Variants in RBFOX1 observed in about 807,000 individuals in gnomAD.
RBFOX1 encodes the protein RNA binding protein fox-1 homolog 1.
RBFOX1 carries 8 observed loss-of-function variants against 57.7 expected under a neutral mutation model. The observed-to-expected ratio is 0.14, with a 90% CI of 0.08 to 0.25. The LOEUF (loss-of-function observed/expected upper bound fraction) is 0.25. Among genes scored for constraint, RBFOX1 ranks in the 10% least tolerant of loss-of-function variants. The pLI is 1.00. For missense variants in RBFOX1, 611 were observed against 548.5 expected, an observed-to-expected ratio of 1.11 and a Z score of -1.14; for synonymous variants, 326 against 222.4, an observed-to-expected ratio of 1.47 and a Z score of -4.15.
At chr16:5,651,454 C>G (rs905468673) in intron 3 of RBFOX1, among the ~76,000 whole-genome samples, 1 of 152,160 alleles carries the variant, frequency 6.6e-6, no homozygotes, top group Non-Finnish European at 1.5e-5. Context: ...TAGACACACA[C>G]AGAATCCTGC....
At chr16:7,675,595 A>T (rs1161043319) in intron 13 of RBFOX1, among the ~76,000 whole-genome samples, 1 of 152,212 alleles carries the variant, frequency 6.6e-6, no homozygotes, top group African/African-American at 2.4e-5. Context: ...AAAGAAATTG[A>T]GACCCGTGTA....
intron 4 of RBFOX1, among the ~76,000 whole-genome samples, chr16:7,174,972 C>A (rs1181979650): frequency 6.6e-6 from 1 of 152,106 alleles, no homozygotes; most frequent in African/African-American, 2.4e-5. Context: ...ATCATCATGG[C>A]TTTAATTTGC....
At chr16:6,674,542 G>A (rs768995027) in intron 3 of RBFOX1, among the ~76,000 whole-genome samples, 20 of 152,002 alleles carry the variant, frequency 1.3e-4, no homozygotes, top group Admixed American at 4.6e-4. Context: ...GGATGGTGTC[G>A]AACTCCTGAC....
At chr16:6,011,289 T>C (rs1247610921) in intron 4 of RBFOX1, among the ~76,000 whole-genome samples, 2 of 152,228 alleles carry the variant, frequency 1.3e-5, no homozygotes, top group Non-Finnish European at 2.9e-5. Flanking sequence ...TTAACCTTCA[T>C]GGTTGACTTT....
intron 5 of RBFOX1, among the ~76,000 whole-genome samples, chr16:7,543,714 T>A (rs995051093): frequency 8.1e-6 from 1 of 123,510 alleles, no homozygotes; most frequent in African/African-American, 3.4e-5. Flanking sequence ...TGTGTGTGTG[T>A]GTGTGTTTAT....
intron 2 of RBFOX1, among the ~76,000 whole-genome samples, chr16:6,432,343 C>A (rs2094123052): frequency 6.6e-6 from 1 of 152,048 alleles, no homozygotes; most frequent in South Asian, 2.1e-4. Context: ...CATTATTTTA[C>A]CTGAAGCTTG....
chr16:5,524,449 G>A (rs1002453274), intron 2 of RBFOX1, among the ~76,000 whole-genome samples: 1 of 152,142 alleles, frequency 6.6e-6, no homozygotes, highest in Admixed American at 6.5e-5. Flanking sequence ...GTGAACATAT[G>A]TGTGCATGTC....
At chr16:7,266,265 G>A (rs928818461) in intron 4 of RBFOX1, among the ~76,000 whole-genome samples, 36 of 151,982 alleles carry the variant, frequency 2.4e-4, no homozygotes, top group African/African-American at 8.5e-4. Flanking sequence ...GTGAGCCACC[G>A]TGCCCGGCCG....
chr16:6,114,348 A>G (rs1013458485), intron 1 of RBFOX1, among the ~76,000 whole-genome samples: 1 of 152,232 alleles, frequency 6.6e-6, no homozygotes, highest in Non-Finnish European at 1.5e-5. Flanking sequence ...AATTAAGAAT[A>G]ATATCTCATG....
chr16:6,898,923 A>G (rs936234018), intron 3 of RBFOX1, among the ~76,000 whole-genome samples: 2 of 150,862 alleles, frequency 1.3e-5, no homozygotes, highest in Non-Finnish European at 2.9e-5. Context: ...GCATATGTGT[A>G]TATGTGTGTA....
intron 15 of RBFOX1, chr16:7,709,736 GTTTTT>G: frequency 1.7e-6 from 1 of 603,438 alleles, no homozygotes; most frequent in Non-Finnish European, 2.0e-6. Context: ...GCAGGTCTGG[GTTTTT>G]GTTTTGGGAG....
chr16:5,849,477 C>T (rs2056838231), intron 3 of RBFOX1, among the ~76,000 whole-genome samples: 1 of 152,090 alleles, frequency 6.6e-6, no homozygotes. Flanking sequence ...CAGTTTCTCC[C>T]AGGGGTCATA....
intron 6 of RBFOX1, among the ~76,000 whole-genome samples, chr16:7,583,183 A>G (rs1457474774): frequency 6.9e-6 from 1 of 144,650 alleles, no homozygotes; most frequent in Non-Finnish European, 1.5e-5. Flanking sequence ...GAGATGGAAC[A>G]TTCCTTGGGC....
chr16:5,632,492 T>A (rs778309136), intron 3 of RBFOX1: 1 of 152,180 alleles, frequency 6.6e-6, no homozygotes, highest in Non-Finnish European at 1.5e-5. Flanking sequence ...ATCATTTTTG[T>A]TGTTGTTGTA....
At chr16:7,176,487 C>G (rs1294605884) in intron 4 of RBFOX1, among the ~76,000 whole-genome samples, 1 of 151,958 alleles carries the variant, frequency 6.6e-6, no homozygotes, top group African/African-American at 2.4e-5. Flanking sequence ...TAAACTATAC[C>G]TCTCGGGAAA....
chr16:5,882,461 C>T (rs1468405678), intron 4 of RBFOX1, among the ~76,000 whole-genome samples: 1 of 152,102 alleles, frequency 6.6e-6, no homozygotes, highest in Non-Finnish European at 1.5e-5. Flanking sequence ...TCATAAACTG[C>T]AAGGGTGCCT....
At chr16:5,451,591 T>C (rs757623144) in intron 1 of RBFOX1, among the ~76,000 whole-genome samples, 2 of 152,142 alleles carry the variant, frequency 1.3e-5, no homozygotes, top group African/African-American at 2.4e-5. Flanking sequence ...AAAGAGCAGA[T>C]AGAAACAGAA....
chr16:7,706,418 C>T (rs892669235), intron 14 of RBFOX1, among the ~76,000 whole-genome samples: 1 of 152,128 alleles, frequency 6.6e-6, no homozygotes, highest in East Asian at 1.9e-4. Context: ...TTGGGTTTTC[C>T]ACAAAGGTTG....
At chr16:6,063,999 C>A (rs2095724727) in intron 1 of RBFOX1, among the ~76,000 whole-genome samples, 1 of 152,218 alleles carries the variant, frequency 6.6e-6, no homozygotes, top group African/African-American at 2.4e-5. Flanking sequence ...CCTATAACCT[C>A]TAACCCTCTA....
Sources: gnomAD v4.1 joint callset for allele counts (sites outside exome capture counted in the v4.1 genomes callset) on GRCh38, gnomAD v4.1.1 for gene constraint, MANE v1.5 for transcripts, NCBI Gene and HGNC (gene_info 2026-07-23, HGNC 2026-07-21) for gene names.